BCAR3: variants seen among roughly 807,000 people sequenced by gnomAD.
BCAR3 encodes the protein breast cancer anti-estrogen resistance protein 3.
In BCAR3, 37 loss-of-function variants were observed where a neutral mutation model predicts 80.1. The ratio of observed to expected loss-of-function variants is 0.46; its 90% CI spans 0.36 to 0.61. The LOEUF is 0.61. Among genes scored for constraint, BCAR3 ranks in the 20% least tolerant of loss-of-function variants. BCAR3 has a pLI of 0.00. For missense variants in BCAR3, 978 were observed against 1,068.2 expected (o/e 0.92, Z 1.18); for synonymous variants, 389 against 418.9 (o/e 0.93, Z 0.87).
At chr1:93,840,942 T>C (rs1252739325) in intron 2 of BCAR3, among the ~76,000 whole-genome samples, 1 of 152,044 alleles carries the variant, frequency 6.6e-6, no homozygotes, top group Non-Finnish European at 1.5e-5. Flanking sequence ...GTTACAAAGA[T>C]AAAGGAAAAG....
At position 93,607,699 on chromosome 1, in the gene BCAR3, G is replaced by A. The variant is rs562097094; in HGVS notation, c.358-15306C>T. Among the ~76,000 whole-genome samples, 31 of 151,980 alleles carry A rather than the reference G, an allele frequency of 2.0e-4. No individual in the cohort carries two copies. The South Asian group carries it at 4.0e-3, about 19-fold the overall frequency. On this transcript the variant is annotated intron_variant, in intron 3 of 11. Transcript: ENST00000260502. ...TCCTCAGCTTCAGCCTCAAGCTCCC[G>A]TATAGGAAGCTCTTTCCCTCTCCTG...
intron 2 of BCAR3, among the ~76,000 whole-genome samples, chr1:93,795,222 G>A (rs1195820697): frequency 1.6e-5 from 1 of 61,960 alleles, no homozygotes; most frequent in East Asian, 5.7e-4. Context: ...GATTGGGGAA[G>A]TTCTCCTGGA....
intron 2 of BCAR3, among the ~76,000 whole-genome samples, chr1:93,826,600 T>A (rs1654381481): frequency 6.6e-6 from 1 of 152,180 alleles, no homozygotes. Context: ...GCCAGGTAGT[T>A]TACATTCCAG....
At chr1:93,652,741 C>T (rs1347884268) in intron 2 of BCAR3, among the ~76,000 whole-genome samples, 1 of 152,124 alleles carries the variant, frequency 6.6e-6, no homozygotes, top group Non-Finnish European at 1.5e-5. Context: ...CTGGCAGGCA[C>T]CTCGGCCCCT....
chr1:93,821,464 G>A (rs1032358409), intron 2 of BCAR3, among the ~76,000 whole-genome samples: 5 of 152,114 alleles, frequency 3.3e-5, no homozygotes, highest in South Asian at 2.1e-4. Context: ...AAATGTCCAC[G>A]GTACACATCA....
chr1:93,841,027 C>T (rs907551030), intron 2 of BCAR3, among the ~76,000 whole-genome samples: 1 of 152,142 alleles, frequency 6.6e-6, no homozygotes, highest in African/African-American at 2.4e-5. Context: ...GAAAACCACA[C>T]AGAAAATTAT....
At chr1:93,588,403 T>G (rs1674031813) in intron 5 of BCAR3, among the ~76,000 whole-genome samples, 4 of 152,166 alleles carry the variant, frequency 2.6e-5, no homozygotes. Flanking sequence ...TTCCTGTTCC[T>G]GTCTCTCTCC....
At chr1:93,767,805 C>G (rs555180098) in intron 2 of BCAR3, among the ~76,000 whole-genome samples, 1 of 152,132 alleles carries the variant, frequency 6.6e-6, no homozygotes, top group East Asian at 1.9e-4. Flanking sequence ...CAAGAGTATT[C>G]TCGGGGCAAA....
At chr1:93,591,192 A>AAG (rs1674164839) in intron 4 of BCAR3, among the ~76,000 whole-genome samples, 1 of 147,502 alleles carries the variant, frequency 6.8e-6, no homozygotes, top group African/African-American at 2.5e-5. Context: ...AAAAAAAAAA[A>AAG]GCCTGGGCAC....
At chr1:93,724,600 G>C (rs1650516111) in intron 2 of BCAR3, among the ~76,000 whole-genome samples, 2 of 152,192 alleles carry the variant, frequency 1.3e-5, no homozygotes, top group African/African-American at 4.8e-5. Context: ...ATGACCGGCT[G>C]TCCAGTCTGA....
rs1313150970 is a variant in BCAR3 at position 93,642,299 on chromosome 1, C to T, written c.357+5G>A. ...ACGGCTACATGTTTAATTCTCATTTCCTACCTTCACATATTCCACAGTTGG... is the reference window on the plus strand; with the variant it reads ...ACGGCTACATGTTTAATTCTCATTTTCTACCTTCACATATTCCACAGTTGG... On this transcript the variant is annotated splice_donor_5th_base_variant and intron_variant, in intron 3 of 11. Transcript: ENST00000260502. The T allele has an allele frequency of 6.2e-7, 1 of 1,613,272 alleles. No homozygotes were observed. Among genetic ancestry groups the T allele is most frequent in the African/African-American group, 1.3e-5 (1 of 74,916 alleles).
intron 2 of BCAR3, among the ~76,000 whole-genome samples, chr1:93,826,656 G>C (rs1654383232): frequency 6.6e-6 from 1 of 152,184 alleles, no homozygotes; most frequent in African/African-American, 2.4e-5. Flanking sequence ...AGAATGTTTT[G>C]AGAAGGAAAG....
chr1:93,644,968 A>G (rs1018152593), intron 2 of BCAR3, among the ~76,000 whole-genome samples: 1 of 152,206 alleles, frequency 6.6e-6, no homozygotes, highest in African/African-American at 2.4e-5. Context: ...TTTCTCTCAG[A>G]ATTAATCTCA....
chr1:93,728,623 G>C (rs551773842), intron 2 of BCAR3, among the ~76,000 whole-genome samples: 1 of 152,114 alleles, frequency 6.6e-6, no homozygotes, highest in Non-Finnish European at 1.5e-5. Context: ...TTAGCTGCCC[G>C]GGCTCTCCTC....
intron 2 of BCAR3, among the ~76,000 whole-genome samples, chr1:93,761,975 C>T (rs961073487): frequency 1.3e-5 from 2 of 152,206 alleles, no homozygotes; most frequent in Non-Finnish European, 2.9e-5. Flanking sequence ...AGAGCACCAG[C>T]ATGCAGGCCC....
intron 1 of BCAR3, among the ~76,000 whole-genome samples, chr1:93,679,894 T>C (rs922433089): frequency 4.6e-5 from 7 of 152,252 alleles, no homozygotes; most frequent in Non-Finnish European, 7.3e-5. Flanking sequence ...GGTTATCTGA[T>C]GTGAGCTTTA....
intron 2 of BCAR3, among the ~76,000 whole-genome samples, chr1:93,664,408 C>T (rs978013748): frequency 1.3e-5 from 2 of 152,184 alleles, no homozygotes; most frequent in Non-Finnish European, 2.9e-5. Flanking sequence ...CGTGAGCCAC[C>T]GCGCCTGGCC....
In BCAR3 at chr1:93,721,318, C is replaced by T. The variant is rs138037499; in HGVS notation, c.-62-15176G>A. 1.1e-3 allele frequency among the ~76,000 whole-genome samples: 163 copies of T among 152,222 alleles called. 1 individual carries two copies. The highest frequency in any genetic ancestry group is 3.8e-3 in the African/African-American group (156 of 41,540). Reference sequence around the variant, plus strand: ...ACAACATCTTGAGCCTGGAGGAATACAGCAGTGGTTTGCCCAGGTTGTCCC... The same window carrying T: ...ACAACATCTTGAGCCTGGAGGAATATAGCAGTGGTTTGCCCAGGTTGTCCC... On this transcript the variant is annotated intron_variant, in intron 2 of 13. Coordinates refer to the BCAR3 transcript ENST00000370244.
intron 2 of BCAR3, among the ~76,000 whole-genome samples, chr1:93,786,877 T>G (rs1652967778): frequency 1.3e-5 from 2 of 152,204 alleles, no homozygotes; most frequent in Admixed American, 1.3e-4. Flanking sequence ...TTTTTAAGTG[T>G]GAAGACTAAG....
Sources: allele counts gnomAD v4.1 joint callset (sites outside exome capture counted in the v4.1 genomes callset), GRCh38; gene constraint gnomAD v4.1.1; transcripts MANE v1.5; gene names NCBI Gene and HGNC (gene_info 2026-07-23, HGNC 2026-07-21).